The following CYFIP2 variants were observed in gnomAD, a reference collection of about 807,000 sequenced individuals.
The protein encoded by CYFIP2 is cytoplasmic FMR1 interacting protein 2.
In CYFIP2, 29 loss-of-function variants were observed where a neutral mutation model predicts 158.7. The ratio of observed to expected loss-of-function variants is 0.18; its 90% confidence interval spans 0.14 to 0.25. The LOEUF (loss-of-function observed/expected upper bound fraction) is 0.25, where lower values mean the gene tolerates loss of function less well. Ranked by LOEUF, CYFIP2 falls within the 10% of genes least tolerant of loss-of-function variation. The pLI, the probability that CYFIP2 is intolerant of heterozygous loss-of-function variation, is 1.00. For missense variants in CYFIP2, 852 were observed against 1,639.5 expected (o/e 0.52, Z 8.29); for synonymous variants, 585 against 617.6 (o/e 0.95, Z 0.78).
chr5:157,271,950 G>C (rs1331324852), intron 1 of CYFIP2, among the ~76,000 whole-genome samples: 2 of 152,148 alleles, frequency 1.3e-5, no homozygotes, highest in African/African-American at 4.8e-5. Context: ...GACAGCCCCA[G>C]GGCCCCAGCA....
Position 157,274,044 on chromosome 5 carries a change from A to T in CYFIP2, c.-24+7849A>T, listed in dbSNP as rs181631654. Among the ~76,000 whole-genome samples the T allele has an allele frequency of 2.7e-3, 414 of 151,094 alleles. 1 individual carries two copies. The highest frequency in any genetic ancestry group is 9.7e-3 in the African/African-American group (398 of 41,156). ...CAGCTACTCGGGAGGCTGAGGCAGG[A>T]GAATCGTTTGAACCCGGCAGAGGTT... On this transcript the variant is annotated intron_variant, in intron 1 of 30. Coordinates refer to ENST00000620254, the MANE Select transcript of CYFIP2 (RefSeq NM_001037333.3).
Position 157,311,456 on chromosome 5 carries a change from C to G in CYFIP2, c.993-208C>G. On this transcript the variant is annotated intron_variant, in intron 10 of 30. Coordinates refer to ENST00000620254, the MANE Select transcript of CYFIP2 (RefSeq NM_001037333.3). This position sits in a 1 kb window ranked among gnomAD's most constrained non-coding sequence, Gnocchi z 4.7. ...GTTGGATCCTAGATGAGGCTGGCAC[C>G]AAAGAGGAGGAGGAAGGACTGTTCC... The G allele has an allele frequency of 1.7e-6, 1 of 580,864 alleles. No individual in the cohort carries two copies. Among genetic ancestry groups the G allele is most frequent in the South Asian group, 2.0e-5 (1 of 48,958 alleles). 36.0% of individuals were successfully genotyped at this position (580,864 alleles called of 1,614,324 possible). A position where few individuals can be genotyped will look rare whatever the true frequency, so the allele number is the denominator to read the frequency against.
chr5:157,322,592 G>A (rs1201908191), intron 15 of CYFIP2, among the ~76,000 whole-genome samples: 1 of 152,174 alleles, frequency 6.6e-6, no homozygotes, highest in Admixed American at 6.5e-5. Flanking sequence ...CCTCCAACAG[G>A]GCTGCAGATG....
chr5:157,356,657 C>T (rs1763431535), intron 23 of CYFIP2, among the ~76,000 whole-genome samples: 2 of 152,116 alleles, frequency 1.3e-5, no homozygotes, highest in African/African-American at 2.4e-5. Context: ...TTCATCACCT[C>T]CAGAGAGGGA....
intron 1 of CYFIP2, among the ~76,000 whole-genome samples, chr5:157,279,527 G>A (rs1415402653): frequency 6.6e-6 from 1 of 152,172 alleles, no homozygotes; most frequent in African/African-American, 2.4e-5. Context: ...TCTTGCTTGG[G>A]GTCTGTCAGT....
chr5:157,344,409 C>T (rs770701742), intron 23 of CYFIP2, among the ~76,000 whole-genome samples: 8 of 152,110 alleles, frequency 5.3e-5, no homozygotes, highest in Admixed American at 1.3e-4. Context: ...ACCGCTAATA[C>T]GTAGAAAAAG....
intron 21 of CYFIP2, among the ~76,000 whole-genome samples, chr5:157,338,834 A>T (rs551571520): frequency 1.3e-5 from 2 of 152,278 alleles, no homozygotes; most frequent in South Asian, 4.1e-4. Context: ...CCTTGCCCTT[A>T]ACCTTCTGGG....
chr5:157,327,386 G>A (rs1761107084), intron 18 of CYFIP2, among the ~76,000 whole-genome samples: 1 of 151,802 alleles, frequency 6.6e-6, no homozygotes, highest in South Asian at 2.1e-4. Flanking sequence ...CCAACATGGT[G>A]AAACCCCGTC....
intron 23 of CYFIP2, chr5:157,343,002 G>A (rs1762393300): frequency 1.2e-6 from 2 of 1,614,088 alleles, no homozygotes; most frequent in African/African-American, 2.7e-5. Flanking sequence ...TCCACCAGGG[G>A]GAGCCCCTGC....
intron 10 of CYFIP2, among the ~76,000 whole-genome samples, chr5:157,310,728 T>C (rs987891708): frequency 2.4e-4 from 36 of 152,274 alleles, no homozygotes; most frequent in African/African-American, 8.4e-4. Context: ...GGCCGTGTGC[T>C]CCCCTCTCCA....
chr5:157,392,138 A>G (rs903610317), intron 30 of CYFIP2, among the ~76,000 whole-genome samples: 3 of 152,112 alleles, frequency 2.0e-5, no homozygotes, highest in Non-Finnish European at 4.4e-5. Flanking sequence ...AGTTCTTTAC[A>G]TATTCTAGAT....
intron 5 of CYFIP2, among the ~76,000 whole-genome samples, chr5:157,300,018 G>A (rs1758607471): frequency 6.6e-6 from 1 of 152,088 alleles, no homozygotes; most frequent in Non-Finnish European, 1.5e-5. Flanking sequence ...ATGGTGCCTG[G>A]CACATAGTAG....
chr5:157,317,599 A>G (rs562829113), intron 13 of CYFIP2, among the ~76,000 whole-genome samples: 20 of 152,296 alleles, frequency 1.3e-4, no homozygotes, highest in African/African-American at 4.8e-4. Context: ...GTAATTTTAC[A>G]CTTTTTGGTA....
intron 30 of CYFIP2, among the ~76,000 whole-genome samples, chr5:157,392,583 CT>C (rs1265853448): frequency 2.0e-5 from 3 of 152,202 alleles, no homozygotes; most frequent in Non-Finnish European, 4.4e-5. Flanking sequence ...ATCTGTACAT[CT>C]ACCTTTTTAC....
intron 1 of CYFIP2, among the ~76,000 whole-genome samples, chr5:157,267,328 T>C (rs1012051533): frequency 2.6e-5 from 4 of 152,166 alleles, no homozygotes; most frequent in Admixed American, 1.3e-4. Context: ...AGACTGTCGG[T>C]TCCTGTGTTC....
chr5:157,332,929 G>T (rs1467752037), intron 20 of CYFIP2, among the ~76,000 whole-genome samples: 1 of 152,172 alleles, frequency 6.6e-6, no homozygotes, highest in African/African-American at 2.4e-5. Flanking sequence ...TAAAGATGGG[G>T]TTCTTGTCTG....
chr5:157,294,388 T>C (rs1758080820), intron 3 of CYFIP2, among the ~76,000 whole-genome samples: 1 of 152,250 alleles, frequency 6.6e-6, no homozygotes, highest in Admixed American at 6.5e-5. Context: ...TAATATACTT[T>C]CATAACTATT....
intron 26 of CYFIP2, chr5:157,362,639 T>C (rs892229246): frequency 1.3e-5 from 2 of 152,252 alleles, no homozygotes; most frequent in East Asian, 1.9e-4. Context: ...TTGGATATCA[T>C]AGGACAGGCA....
intron 23 of CYFIP2, among the ~76,000 whole-genome samples, chr5:157,354,691 G>A (rs538337738): frequency 2.3e-4 from 35 of 152,150 alleles, no homozygotes; most frequent in African/African-American, 8.2e-4. Context: ...TAAACTCCCA[G>A]TCTAGACCAG....
Sources: allele counts gnomAD v4.1 joint callset (sites outside exome capture counted in the v4.1 genomes callset), GRCh38; gene constraint gnomAD v4.1.1; non-coding constraint Gnocchi (gnomAD v3.1); transcripts MANE v1.5; gene names NCBI Gene and HGNC (gene_info 2026-07-23, HGNC 2026-07-21).